PDE4D: variants seen among roughly 807,000 people sequenced by gnomAD.
PDE4D encodes 3',5'-cyclic-AMP phosphodiesterase 4D.
PDE4D carries 24 observed loss-of-function variants against 87.4 expected under a neutral mutation model. That is an observed-to-expected ratio of 0.27 (90% CI 0.20 to 0.39). The LOEUF is 0.39. PDE4D is among the 10% of genes least tolerant of loss of function. The pLI is 1.00. For synonymous variants in PDE4D, 384 were observed against 383.2 expected (o/e 1.00, Z -0.02); for missense variants, 714 against 1,041.0 (o/e 0.69, Z 4.32).
chr5:60,024,290 A>G (rs1766397371), intron 2 of PDE4D, among the ~76,000 whole-genome samples: 1 of 152,204 alleles, frequency 6.6e-6, no homozygotes, highest in African/African-American at 2.4e-5. Flanking sequence ...TGGTTCAAGT[A>G]CCACAAATGT....
intron 1 of PDE4D, among the ~76,000 whole-genome samples, chr5:60,331,857 C>T (rs1168061928): frequency 6.6e-6 from 1 of 152,138 alleles, no homozygotes; most frequent in African/African-American, 2.4e-5. Context: ...GTTTCTACAA[C>T]AATCATCTTT....
chr5:59,779,855 T>G (rs527634049), intron 1 of PDE4D, among the ~76,000 whole-genome samples: 66 of 152,366 alleles, frequency 4.3e-4, no homozygotes, highest in Non-Finnish European at 8.1e-4. Flanking sequence ...GAAGTAGGAT[T>G]AACTGATAAG....
chr5:59,989,804 G>A (rs1762829810), intron 2 of PDE4D, among the ~76,000 whole-genome samples: 1 of 152,112 alleles, frequency 6.6e-6, no homozygotes, highest in Non-Finnish European at 1.5e-5. Flanking sequence ...GAGAATTATA[G>A]AATCACCAAA....
chr5:59,155,976 G>A (rs1045957112), intron 5 of PDE4D, among the ~76,000 whole-genome samples: 1 of 152,142 alleles, frequency 6.6e-6, no homozygotes, highest in African/African-American at 2.4e-5. Context: ...GGAGGCTTAA[G>A]AGAGAGGACA....
At chr5:59,256,847 T>C (rs1000136651) in intron 1 of PDE4D, among the ~76,000 whole-genome samples, 1 of 152,016 alleles carries the variant, frequency 6.6e-6, no homozygotes, top group Non-Finnish European at 1.5e-5. Context: ...TAAAAATCAA[T>C]ACATTATATA....
At chr5:60,089,614 T>C (rs1252517627) in intron 2 of PDE4D, among the ~76,000 whole-genome samples, 1 of 151,454 alleles carries the variant, frequency 6.6e-6, no homozygotes, top group Non-Finnish European at 1.5e-5. Context: ...ACAAACAACC[T>C]AACATTGTAC....
At chr5:60,431,242 G>C (rs1583744451) in intron 1 of PDE4D, 4 of 190,204 alleles carry the variant, frequency 2.1e-5, no homozygotes, top group African/African-American at 9.6e-5. Context: ...CAGACGGGGT[G>C]GCTGCCAGGC....
At position 59,093,995 on chromosome 5, in the gene PDE4D, G is replaced by A. The variant is rs569015666; in HGVS notation, c.809-55024C>T. ...AGCACTTTGGGAGGCTGAGGTGGGCGGATCATGAGGTCAAGAGATCGAGAT... is the reference window on the plus strand; with the variant it reads ...AGCACTTTGGGAGGCTGAGGTGGGCAGATCATGAGGTCAAGAGATCGAGAT... On this transcript the variant is annotated intron_variant, in intron 5 of 14. Transcript: ENST00000340635. 2.5e-4 allele frequency among the ~76,000 whole-genome samples: 38 copies of A among 151,956 alleles called. 1 individual carries two copies. The East Asian group carries it at 5.4e-3, about 22-fold the overall frequency.
chr5:59,652,447 T>C (rs1452797931), intron 1 of PDE4D, among the ~76,000 whole-genome samples: 2 of 152,230 alleles, frequency 1.3e-5, no homozygotes, highest in African/African-American at 2.4e-5. Context: ...ATTCTTTGCT[T>C]GCCCAATATG....
intron 1 of PDE4D, among the ~76,000 whole-genome samples, chr5:60,267,001 T>G (rs951491369): frequency 1.3e-5 from 2 of 152,226 alleles, no homozygotes; most frequent in African/African-American, 4.8e-5. Flanking sequence ...ATGGTGCTCT[T>G]TCTGCTTTTC....
rs146540745 is a variant in PDE4D at position 59,585,781 on chromosome 5, TTAGAATTCTAC to T, written c.455+307376_455+307386del. 3.4e-3 allele frequency among the ~76,000 whole-genome samples: 525 copies of T among 152,334 alleles called. 3 individuals carry two copies. Among genetic ancestry groups the T allele is most frequent in the African/African-American group, 0.012 (506 of 41,568 alleles). On this transcript the variant is annotated intron_variant, in intron 1 of 14. Coordinates refer to ENST00000340635, the MANE Select transcript of PDE4D (RefSeq NM_001104631.2). ...GCCTGAGCACTTCCTGATTCATATG[TTAGAATTCTAC>T]TAGAATTCTACTGGTTCATTCTGGT...
At chr5:59,243,779 A>T (rs1234708161) in intron 1 of PDE4D, among the ~76,000 whole-genome samples, 1 of 152,024 alleles carries the variant, frequency 6.6e-6, no homozygotes, top group Non-Finnish European at 1.5e-5. Flanking sequence ...TAGGCTTAAA[A>T]TTTGTTGTAA....
intron 1 of PDE4D, chr5:59,586,424 T>C (rs1825138950): frequency 6.3e-7 from 1 of 1,598,250 alleles, no homozygotes; most frequent in Middle Eastern, 1.7e-4. Context: ...CTACGTTACA[T>C]GTAGTGATTT....
intron 1 of PDE4D, among the ~76,000 whole-genome samples, chr5:60,292,143 A>G (rs1346678867): frequency 2.0e-5 from 3 of 152,200 alleles, no homozygotes; most frequent in African/African-American, 7.2e-5. Flanking sequence ...CTATCTCTAT[A>G]GACATTATTT....
At chr5:59,303,191 T>C (rs1383739350) in intron 1 of PDE4D, among the ~76,000 whole-genome samples, 1 of 152,240 alleles carries the variant, frequency 6.6e-6, no homozygotes, top group African/African-American at 2.4e-5. Context: ...TATCTTCTTT[T>C]GTGAATTGCC....
chr5:59,657,900 T>C (rs928651378), intron 1 of PDE4D, among the ~76,000 whole-genome samples: 10 of 152,214 alleles, frequency 6.6e-5, no homozygotes, highest in African/African-American at 2.4e-4. Flanking sequence ...ATTTAATCAA[T>C]GTTTTGTGTT....
At chr5:59,350,642 G>T (rs1328721314) in intron 1 of PDE4D, among the ~76,000 whole-genome samples, 2 of 152,254 alleles carry the variant, frequency 1.3e-5, no homozygotes, top group African/African-American at 4.8e-5. Context: ...CCATACAAAG[G>T]TGGAAAAAAG....
chr5:59,316,728 C>T (rs1382224434), intron 1 of PDE4D, among the ~76,000 whole-genome samples: 7 of 152,084 alleles, frequency 4.6e-5, no homozygotes, highest in African/African-American at 9.7e-5. Context: ...CAGTTGTGGA[C>T]GGAGGAAACA....
chr5:60,445,440 T>C (rs938352908), intron 1 of PDE4D, among the ~76,000 whole-genome samples: 2 of 151,988 alleles, frequency 1.3e-5, no homozygotes, highest in Non-Finnish European at 2.9e-5. Flanking sequence ...CTGAGAAAAA[T>C]ATAAAGTTAA....
Sources: gnomAD v4.1 joint callset for allele counts (sites outside exome capture counted in the v4.1 genomes callset) on GRCh38, gnomAD v4.1.1 for gene constraint, MANE v1.5 for transcripts, NCBI Gene and HGNC (gene_info 2026-07-23, HGNC 2026-07-21) for gene names.